TAF1B: variants seen among roughly 807,000 people sequenced by gnomAD.
The protein encoded by TAF1B is TATA box-binding protein-associated factor RNA polymerase I subunit B.
A neutral mutation model predicts 83.9 loss-of-function variants in TAF1B; 61 were observed. That is an observed-to-expected ratio of 0.73 (90% CI 0.59 to 0.90). The LOEUF is 0.90. Ranked by LOEUF, TAF1B falls within the 40% of genes least tolerant of loss-of-function variation. The pLI, the probability that TAF1B is intolerant of heterozygous loss-of-function variation, is 0.00. For synonymous variants in TAF1B, 221 were observed against 224.6 expected (o/e 0.98, Z 0.14); for missense variants, 625 against 677.0 (o/e 0.92, Z 0.85).
At position 9,910,858 on chromosome 2, in the gene TAF1B, GC is replaced by G. The variant is rs1210696934; in HGVS notation, c.1079del (p.Ala360ValfsTer7). The G allele has an allele frequency of 3.7e-6, 6 of 1,613,402 alleles. No individual in the cohort carries two copies. The highest frequency in any genetic ancestry group is 5.1e-6 in the Non-Finnish European group (6 of 1,179,642). ...TGTTAAGTACGATGTACAAGCTGTA[GC>G]TATCATTGTGGTGGTATTGAAACTG... ...KTVKYDVQAVAIIVVVLKLLF... is the reference protein window; with the variant it reads ...KTVKYDVQAVXIIVVVLKLLF... On this transcript the variant is annotated frameshift_variant, in exon 10 of 15. Coordinates refer to ENST00000263663, the MANE Select transcript of TAF1B (RefSeq NM_005680.3). LOFTEE classifies it high-confidence loss of function.
chr2:9,904,419 ACTG>A (rs1406971746), intron 8 of TAF1B, among the ~76,000 whole-genome samples: 2 of 152,160 alleles, frequency 1.3e-5, no homozygotes, highest in Non-Finnish European at 2.9e-5. Flanking sequence ...CATCCCTGTC[ACTG>A]CAAAGGACAT....
At chr2:9,873,859 G>A (rs72782633) in intron 6 of TAF1B, among the ~76,000 whole-genome samples, 24,542 of 151,864 alleles carry the variant, frequency 0.16, 2,073 homozygotes, top group Middle Eastern at 0.29. Context: ...TTTCCTGGAA[G>A]AGTGGTCTTC....
chr2:9,895,111 TC>T (rs1664978237), intron 8 of TAF1B, among the ~76,000 whole-genome samples: 1 of 152,232 alleles, frequency 6.6e-6, no homozygotes, highest in Admixed American at 6.5e-5. Flanking sequence ...ACAACGCGTT[TC>T]TAAAAAGGCC....
rs138515420 is a variant in TAF1B at position 9,877,908 on chromosome 2, T to C, written c.707+1890T>C. On this transcript the variant is annotated intron_variant, in intron 7 of 14. Transcript: ENST00000263663. ...GAATTCTAAAATGCCTTCAAGGAGA[T>C]TAAATCTAGTTAGCTAGGGGGCTTT... Among the ~76,000 whole-genome samples, 482 of 152,102 alleles carry C rather than the reference T, an allele frequency of 3.2e-3. 5 individuals carry two copies. Among genetic ancestry groups the C allele is most frequent in the African/African-American group, 0.011 (470 of 41,506 alleles).
At chr2:9,860,359 CTA>C (rs1307005992) in intron 5 of TAF1B, among the ~76,000 whole-genome samples, 1 of 152,174 alleles carries the variant, frequency 6.6e-6, no homozygotes, top group Non-Finnish European at 1.5e-5. Context: ...ATCTAACATG[CTA>C]TTGTTTGTAA....
intron 5 of TAF1B, among the ~76,000 whole-genome samples, chr2:9,863,344 C>T (rs1464187906): frequency 6.6e-6 from 1 of 152,150 alleles, no homozygotes; most frequent in African/African-American, 2.4e-5. Context: ...TCAAAAGAGA[C>T]AAAGGTGGCC....
intron 12 of TAF1B, among the ~76,000 whole-genome samples, chr2:9,917,806 C>T (rs1665728286): frequency 6.6e-6 from 1 of 151,786 alleles, no homozygotes; most frequent in South Asian, 2.1e-4. Context: ...GGCGCGGTGG[C>T]TCACGCCTGT....
intron 9 of TAF1B, among the ~76,000 whole-genome samples, chr2:9,909,171 G>T (rs1297606353): frequency 6.6e-6 from 1 of 152,200 alleles, no homozygotes; most frequent in African/African-American, 2.4e-5. Flanking sequence ...TCATAAACGT[G>T]TAATTAGTAC....
intron 12 of TAF1B, among the ~76,000 whole-genome samples, chr2:9,917,998 G>A (rs1572283930): frequency 1.3e-5 from 2 of 150,906 alleles, no homozygotes; most frequent in Non-Finnish European, 3.0e-5. Context: ...CGTGAACCCG[G>A]GAGGCGGAGC....
chr2:9,890,172 GTT>G (rs936253504), intron 8 of TAF1B, among the ~76,000 whole-genome samples: 1 of 152,286 alleles, frequency 6.6e-6, no homozygotes. Flanking sequence ...CTGCACTGCA[GTT>G]TGGAAACTGC....
At chr2:9,865,793 C>G (rs1170285804) in intron 5 of TAF1B, among the ~76,000 whole-genome samples, 3 of 151,734 alleles carry the variant, frequency 2.0e-5, no homozygotes, top group South Asian at 2.1e-4. Context: ...ATATCTACAA[C>G]TATCTGATCT....
chr2:9,866,704 A>G (rs1361149373), intron 5 of TAF1B, among the ~76,000 whole-genome samples: 8 of 152,322 alleles, frequency 5.3e-5, no homozygotes, highest in Non-Finnish European at 8.8e-5. Context: ...CAACAATGAT[A>G]GACTGGATTA....
Position 9,875,433 on chromosome 2 carries a change from A to G in TAF1B, c.554-432A>G, listed in dbSNP as rs1035976065. Reference sequence around the variant, plus strand: ...TGTATTAGTCCATTTTCTTACTGCTATGAAGAAATACCCAAGACTGGGTCA... The same window carrying G: ...TGTATTAGTCCATTTTCTTACTGCTGTGAAGAAATACCCAAGACTGGGTCA... On this transcript the variant is annotated intron_variant, in intron 6 of 14. Transcript: ENST00000263663. 2.0e-5 allele frequency among the ~76,000 whole-genome samples: 3 copies of G among 152,342 alleles called. No homozygotes were observed. The East Asian group carries it at 5.8e-4, about 29-fold the overall frequency.
intron 8 of TAF1B, among the ~76,000 whole-genome samples, chr2:9,886,863 G>A (rs1664690658): frequency 6.6e-6 from 1 of 152,158 alleles, no homozygotes; most frequent in Non-Finnish European, 1.5e-5. Flanking sequence ...TCAGGAGATT[G>A]AGACCATCCT....
At chr2:9,889,021 C>T (rs1170311642) in intron 8 of TAF1B, among the ~76,000 whole-genome samples, 2 of 151,506 alleles carry the variant, frequency 1.3e-5, no homozygotes, top group African/African-American at 4.9e-5. Context: ...AGGCTGGTCT[C>T]GAACTCCTGA....
chr2:9,862,947 C>T (rs1558236770), intron 5 of TAF1B, among the ~76,000 whole-genome samples: 1 of 152,106 alleles, frequency 6.6e-6, no homozygotes, highest in Non-Finnish European at 1.5e-5. Context: ...GAAGGAAGCA[C>T]TAAACATGGA....
intron 7 of TAF1B, among the ~76,000 whole-genome samples, chr2:9,882,380 G>A (rs1664537462): frequency 6.6e-6 from 1 of 152,178 alleles, no homozygotes; most frequent in African/African-American, 2.4e-5. Context: ...TTACAGTTCT[G>A]AAACTCCAGG....
chr2:9,859,197 T>TTCTTCTGCA (rs1663667310), intron 5 of TAF1B, among the ~76,000 whole-genome samples: 1 of 2,106 alleles, frequency 4.7e-4, no homozygotes, highest in Non-Finnish European at 0.1. Flanking sequence ...TGCTTAGAAT[T>TTCTTCTGCA]TCTGCCAGAT....
In TAF1B at chr2:9,885,051, A is replaced by G. The variant is rs114542455; in HGVS notation, c.807+2246A>G. Among the ~76,000 whole-genome samples, 1,024 of 152,360 alleles carry G rather than the reference A, an allele frequency of 6.7e-3. 17 individuals are homozygous for G. Among genetic ancestry groups the G allele is most frequent in the African/African-American group, 0.023 (944 of 41,592 alleles). ...CAAAATTAGTACTTTGTAGAAGTATAGTGTAACAAATTCTTAGTATATCTT... is the reference window on the plus strand; with the variant it reads ...CAAAATTAGTACTTTGTAGAAGTATGGTGTAACAAATTCTTAGTATATCTT... On this transcript the variant is annotated intron_variant, in intron 8 of 14. Coordinates refer to ENST00000263663, the MANE Select transcript of TAF1B (RefSeq NM_005680.3).
Sources: gnomAD v4.1 joint callset for allele counts (sites outside exome capture counted in the v4.1 genomes callset) on GRCh38, gnomAD v4.1.1 for gene constraint, MANE v1.5 for transcripts, NCBI Gene and HGNC (gene_info 2026-07-23, HGNC 2026-07-21) for gene names.